The following GALNT13 variants were observed in gnomAD, a reference collection of about 807,000 sequenced individuals.
The protein encoded by GALNT13 is UDP-GalNAc:polypeptide N-acetylgalactosaminyltransferase 13.
Under a neutral mutation model 64.2 loss-of-function variants are expected in GALNT13, and 28 were observed. The ratio of observed to expected loss-of-function variants is 0.44; its 90% confidence interval spans 0.32 to 0.60. The LOEUF (loss-of-function observed/expected upper bound fraction) is 0.60, where lower values mean the gene tolerates loss of function less well. GALNT13 is among the 20% of genes least tolerant of loss of function. GALNT13 has a pLI of 0.05. For synonymous variants in GALNT13, 214 were observed against 224.6 expected (o/e 0.95, Z 0.42); for missense variants, 577 against 669.8 (o/e 0.86, Z 1.53).
the GALNT13 span, among the ~76,000 whole-genome samples, chr2:153,545,682 A>ACCC: frequency 6.6e-6 from 1 of 152,070 alleles, no homozygotes; most frequent in Non-Finnish European, 1.5e-5. Context: ...GGTCACCTTG[A>ACCC]CCCCAGAGAG....
At chr2:154,183,091 T>G (rs998899395) in intron 4 of GALNT13, among the ~76,000 whole-genome samples, 4 of 152,198 alleles carry the variant, frequency 2.6e-5, no homozygotes, top group African/African-American at 7.2e-5. Context: ...TGGAAGAGAT[T>G]GAGAAGCATT....
chr2:154,171,969 CAT>C (rs1685372962), intron 4 of GALNT13, among the ~76,000 whole-genome samples: 2 of 106,972 alleles, frequency 1.9e-5, no homozygotes, highest in South Asian at 7.1e-4. Flanking sequence ...CTTTCTTTCT[CAT>C]ACACACACAC....
chr2:153,133,630 T>C, the GALNT13 span, among the ~76,000 whole-genome samples: 4 of 152,146 alleles, frequency 2.6e-5, no homozygotes, highest in Admixed American at 6.6e-5. Flanking sequence ...ATAGACAAAA[T>C]TGAGACTATC....
chr2:153,333,927 G>C, the GALNT13 span, among the ~76,000 whole-genome samples: 2 of 152,086 alleles, frequency 1.3e-5, no homozygotes, highest in South Asian at 2.1e-4. Flanking sequence ...CTGAACCCTA[G>C]GATGAACACA....
At chr2:153,083,333 T>C in the GALNT13 span, among the ~76,000 whole-genome samples, 1 of 152,184 alleles carries the variant, frequency 6.6e-6, no homozygotes, top group African/African-American at 2.4e-5. Context: ...TCCACAGTGG[T>C]TGCACTAGTT....
At chr2:153,354,558 G>T in the GALNT13 span, among the ~76,000 whole-genome samples, 1 of 152,124 alleles carries the variant, frequency 6.6e-6, no homozygotes, top group African/African-American at 2.4e-5. Context: ...CCAAGTATGT[G>T]GGAAACTTTA....
chr2:153,451,623 C>T, the GALNT13 span, among the ~76,000 whole-genome samples: 3 of 152,286 alleles, frequency 2.0e-5, no homozygotes, highest in African/African-American at 4.8e-5. Context: ...CCGATGTGCT[C>T]CACCAAAACT....
the GALNT13 span, among the ~76,000 whole-genome samples, chr2:153,246,370 A>G: frequency 6.6e-6 from 1 of 152,208 alleles, no homozygotes; most frequent in Non-Finnish European, 1.5e-5. Flanking sequence ...GGGTGAAACA[A>G]ACGAAAAACT....
the GALNT13 span, among the ~76,000 whole-genome samples, chr2:153,815,190 A>G: frequency 4.6e-5 from 7 of 152,204 alleles, no homozygotes; most frequent in Non-Finnish European, 7.3e-5. Context: ...CTTAAAGCAG[A>G]CACAGTTTAC....
the GALNT13 span, among the ~76,000 whole-genome samples, chr2:153,498,032 C>G: frequency 6.6e-6 from 1 of 152,140 alleles, no homozygotes; most frequent in East Asian, 1.9e-4. Flanking sequence ...GCAAACCTGC[C>G]GCTGTCGGGA....
At chr2:154,274,006 T>A (rs1454544902) in intron 8 of GALNT13, among the ~76,000 whole-genome samples, 2 of 152,170 alleles carry the variant, frequency 1.3e-5, no homozygotes, top group African/African-American at 4.8e-5. Flanking sequence ...GTTTCTTATC[T>A]TGAATGCATT....
the GALNT13 span, among the ~76,000 whole-genome samples, chr2:153,382,993 T>C: frequency 6.6e-6 from 1 of 152,196 alleles, no homozygotes; most frequent in East Asian, 1.9e-4. Context: ...AATATCATTA[T>C]ATAAATATTG....
At chr2:153,894,773 C>A (rs955021243) in intron 1 of GALNT13, among the ~76,000 whole-genome samples, 2 of 152,102 alleles carry the variant, frequency 1.3e-5, no homozygotes, top group Admixed American at 1.3e-4. Context: ...ATGTAATTTT[C>A]TTCTCTAACA....
chr2:153,566,295 G>T, the GALNT13 span, among the ~76,000 whole-genome samples: 1 of 148,652 alleles, frequency 6.7e-6, no homozygotes, highest in African/African-American at 2.5e-5. Context: ...AATATAATAG[G>T]TGTATTAGAT....
At chr2:153,452,665 G>A in the GALNT13 span, among the ~76,000 whole-genome samples, 1 of 151,896 alleles carries the variant, frequency 6.6e-6, no homozygotes, top group Non-Finnish European at 1.5e-5. Context: ...CCCATGGATT[G>A]CAAGAATCAA....
At chr2:154,375,391 T>G (rs1697929355) in intron 9 of GALNT13, among the ~76,000 whole-genome samples, 2 of 152,124 alleles carry the variant, frequency 1.3e-5, no homozygotes, top group Admixed American at 1.3e-4. Context: ...AAGTCTTCAC[T>G]TTAGCATCAC....
chr2:154,067,040 T>TAATGTAATAAC (rs1700504598), intron 3 of GALNT13, among the ~76,000 whole-genome samples: 1 of 152,114 alleles, frequency 6.6e-6, no homozygotes, highest in Admixed American at 6.6e-5. Flanking sequence ...TCCTGTTTGT[T>TAATGTAATAAC]TGCTTGTTTT....
intron 3 of GALNT13, among the ~76,000 whole-genome samples, chr2:154,075,018 C>G (rs1700913937): frequency 6.6e-6 from 1 of 151,882 alleles, no homozygotes; most frequent in Non-Finnish European, 1.5e-5. Flanking sequence ...CTCACCACTT[C>G]TATTCAACAT....
the GALNT13 span, among the ~76,000 whole-genome samples, chr2:153,751,014 T>C: frequency 2.0e-5 from 3 of 151,936 alleles, no homozygotes; most frequent in African/African-American, 2.4e-5. Context: ...TTGTTTCCAT[T>C]GTCATTTATT....
Sources: allele counts gnomAD v4.1 joint callset (sites outside exome capture counted in the v4.1 genomes callset), GRCh38; gene constraint gnomAD v4.1.1; transcripts MANE v1.5; gene names NCBI Gene and HGNC (gene_info 2026-07-23, HGNC 2026-07-21).